The following FMNL3 variants were observed in gnomAD, a reference collection of about 807,000 sequenced individuals.
FMNL3 encodes formin like 3.
FMNL3 carries 57 observed loss-of-function variants against 119.6 expected under a neutral mutation model. That is an observed-to-expected ratio of 0.48 (90% CI 0.39 to 0.59). The LOEUF (loss-of-function observed/expected upper bound fraction) is 0.59, where lower values mean the gene tolerates loss of function less well. FMNL3 is among the 20% of genes least tolerant of loss of function. The probability of loss-of-function intolerance (pLI) is 0.00; values close to 1 mark genes in which losing one functional copy is unlikely to be tolerated. For synonymous variants in FMNL3, 491 were observed against 507.3 expected, an observed-to-expected ratio of 0.97 and a Z score of 0.43; for missense variants, 1,053 against 1,323.5, an observed-to-expected ratio of 0.80 and a Z score of 3.17.
In FMNL3 at chr12:49,643,117, G is replaced by A; in HGVS notation, c.*2698C>T. 1 of 1,587,378 alleles carries A rather than the reference G, an allele frequency of 6.3e-7. No homozygotes were observed. Among genetic ancestry groups the A allele is most frequent in the Middle Eastern group, 1.7e-4 (1 of 5,954 alleles). On this transcript the variant is annotated 3_prime_UTR_variant, in exon 26 of 26. Coordinates refer to ENST00000335154, the MANE Select transcript of FMNL3 (RefSeq NM_175736.5). ...CAATATCTCCCTTGGAGGGAAGTTT[G>A]AGGATTCCTTTGGCCCTGGGTCCTC...
At chr12:49,693,281 C>A (rs1470657536) in intron 1 of FMNL3, among the ~76,000 whole-genome samples, 1 of 152,126 alleles carries the variant, frequency 6.6e-6, no homozygotes, top group African/African-American at 2.4e-5. Context: ...AAGAGCTGAT[C>A]TTGACTTAGA....
At position 49,651,926 on chromosome 12, in the gene FMNL3, T is replaced by A; in HGVS notation, c.1603+7A>T. On this transcript the variant is annotated splice_region_variant and intron_variant, in intron 14 of 25. Transcript: ENST00000335154. Reference sequence around the variant, plus strand: ...CCCTGTTGGCTCCCAGGGGTCGTCGTGGTTACCTGGTAATGGGGGAGGTGG... The same window carrying A: ...CCCTGTTGGCTCCCAGGGGTCGTCGAGGTTACCTGGTAATGGGGGAGGTGG... The A allele has an allele frequency of 6.3e-7, 1 of 1,577,118 alleles. No individual in the cohort carries two copies. The highest frequency in any genetic ancestry group is 8.6e-7 in the Non-Finnish European group (1 of 1,158,578).
Position 49,649,511 on chromosome 12 carries a change from C to T in FMNL3, c.2263G>A (p.Ala755Thr), listed in dbSNP as rs766237914. 39 of 1,614,034 alleles carry T rather than the reference C, an allele frequency of 2.4e-5. No homozygotes were observed. Among genetic ancestry groups the T allele is most frequent in the South Asian group, 2.2e-5 (2 of 91,084 alleles). Reference protein sequence around the residue: ...PQLNAIIAASASVKSSQKLKQ... With the variant: ...PQLNAIIAASTSVKSSQKLKQ... ...AGCTTCTGTGAAGACTTGACGGAAG[C>T]GGACGCCGCAATGATGGCATTGAGT... The change falls in exon 19 of 26, where the codon GCT becomes ACT. Residue 755 changes from alanine to threonine, a missense_variant. Physicochemically the swap from Ala to Thr is moderately conservative, Grantham distance 58 (BLOSUM62 0). Around this residue, in one of 4 missense-constraint regions of FMNL3, gnomAD observed 324 missense variants for 380.9 expected, o/e 0.85. Coordinates refer to ENST00000335154, the MANE Select transcript of FMNL3 (RefSeq NM_175736.5). The surrounding 1 kb of genome is among the most constrained non-coding windows in gnomAD (Gnocchi z 5.6).
chr12:49,690,395 ACT>A (rs146501116), intron 1 of FMNL3, among the ~76,000 whole-genome samples: 3,380 of 152,098 alleles, frequency 0.022, 131 homozygotes, highest in African/African-American at 0.077. Context: ...TCTTTGTTAC[ACT>A]CTCTCTTAAC....
chr12:49,688,247 A>T (rs981572160), intron 1 of FMNL3, among the ~76,000 whole-genome samples: 13 of 152,226 alleles, frequency 8.5e-5, no homozygotes, highest in Non-Finnish European at 1.5e-4. Flanking sequence ...ATCACCCTGC[A>T]GGGGACAGTC....
chr12:49,658,893 G>A (rs569192540), intron 5 of FMNL3, among the ~76,000 whole-genome samples: 3 of 152,320 alleles, frequency 2.0e-5, no homozygotes, highest in African/African-American at 4.8e-5. Flanking sequence ...TCCAGAAGGA[G>A]TGTCCTCCCC....
intron 1 of FMNL3, among the ~76,000 whole-genome samples, chr12:49,674,485 G>A (rs530212800): frequency 6.6e-6 from 1 of 152,284 alleles, no homozygotes; most frequent in South Asian, 2.1e-4. Context: ...CCCCAGGGCA[G>A]CTCCCCATTA....
At chr12:49,675,100 A>G (rs1266317320) in intron 1 of FMNL3, among the ~76,000 whole-genome samples, 1 of 152,158 alleles carries the variant, frequency 6.6e-6, no homozygotes, top group Non-Finnish European at 1.5e-5. Context: ...CCTCTGCCAC[A>G]CTGTTGGCCT....
intron 1 of FMNL3, among the ~76,000 whole-genome samples, chr12:49,670,069 C>T (rs1944002989): frequency 6.6e-6 from 1 of 152,220 alleles, no homozygotes; most frequent in Non-Finnish European, 1.5e-5. Flanking sequence ...TCATCTTTCT[C>T]TCCTTTAACT....
In FMNL3 at chr12:49,643,133, C is replaced by T; in HGVS notation, c.*2682G>A. The T allele has an allele frequency of 6.3e-7, 1 of 1,587,970 alleles. No homozygotes were observed. The highest frequency in any genetic ancestry group is 8.6e-7 in the Non-Finnish European group (1 of 1,160,050). Reference sequence around the variant, plus strand: ...GGGAAGTTTGAGGATTCCTTTGGCCCTGGGTCCTCCTCCTCTCTCGAATTC... The same window carrying T: ...GGGAAGTTTGAGGATTCCTTTGGCCTTGGGTCCTCCTCCTCTCTCGAATTC... On this transcript the variant is annotated 3_prime_UTR_variant, in exon 26 of 26. Coordinates refer to ENST00000335154, the MANE Select transcript of FMNL3 (RefSeq NM_175736.5).
In FMNL3 at chr12:49,652,093, C is replaced by T. The variant is rs1184399598; in HGVS notation, c.1443G>A (p.Val481=). Residue 481 remains valine (V), a synonymous_variant, in exon 14 of 26, where the codon GTG becomes GTA. Coordinates refer to ENST00000335154, the MANE Select transcript of FMNL3 (RefSeq NM_175736.5). ...LEPNVRGLES[V]DSEALARVGP... ...CTACTCTGGCCAGGGCCTCACTGTC[C>T]ACAGACTCCAGGCCCCGGACATTTG... 6.2e-7 allele frequency: 1 copy of T among 1,613,018 alleles called. No homozygotes were observed. Among genetic ancestry groups the T allele is most frequent in the East Asian group, 2.2e-5 (1 of 44,876 alleles).
chr12:49,648,208 G>T lies in FMNL3; in HGVS notation c.2661C>A (p.Asp887Glu). ...CCGTGCTTGCCTCAGCCGTCTTGGC[G>T]TCCCGCTGGAGCTTGTCTAGTTTGC... is the stretch of plus-strand genomic sequence containing the variant. The part of the protein sequence containing the change: ...NEGKLDKLQR[D>E]AKTAEEAYNA... The change falls in exon 22 of 26, where the codon GAC (aspartate) becomes GAA (glutamate). Residue 887 changes from aspartate to glutamate, a missense_variant. Transcript: ENST00000335154. The T allele has an allele frequency of 2.5e-6, 4 of 1,613,200 alleles. No homozygotes were observed. Among genetic ancestry groups the T allele is most frequent in the Non-Finnish European group, 3.4e-6 (4 of 1,179,566 alleles).
At chr12:49,705,978 T>C (rs538521619) in intron 1 of FMNL3, among the ~76,000 whole-genome samples, 46 of 151,052 alleles carry the variant, frequency 3.0e-4, no homozygotes, top group Middle Eastern at 6.8e-3. Context: ...TTATCCCTCC[T>C]GATGGGCAGA....
chr12:49,637,491 G>A lies in FMNL3; in HGVS notation c.*8324C>T. 6.2e-7 allele frequency: 1 copy of A among 1,613,488 alleles called. No homozygotes were observed. Among genetic ancestry groups the A allele is most frequent in the African/African-American group, 1.3e-5 (1 of 74,998 alleles). ...TCAGACCTTCCTGGACGAGCTGCATGAGACAGGGCAGCTGCACTCTATGTC... is the reference window on the plus strand; with the variant it reads ...TCAGACCTTCCTGGACGAGCTGCATAAGACAGGGCAGCTGCACTCTATGTC... On this transcript the variant is annotated 3_prime_UTR_variant, in exon 26 of 26. Coordinates refer to ENST00000335154, the MANE Select transcript of FMNL3 (RefSeq NM_175736.5).
At chr12:49,688,292 G>A (rs1388734439) in intron 1 of FMNL3, among the ~76,000 whole-genome samples, 1 of 152,202 alleles carries the variant, frequency 6.6e-6, no homozygotes, top group Admixed American at 6.5e-5. Context: ...AGGCCAAACT[G>A]CTGCCCATAA....
rs1437303816 is a variant in FMNL3 at position 49,691,927 on chromosome 12, C to A, written c.126+15128G>T. On this transcript the variant is annotated intron_variant, in intron 1 of 25. Transcript: ENST00000335154. ...TTGCACGTCTGTAGTCCTAGCTACTCGGAAGGCTGAGGCAGGAGAATTGTT... is the reference window on the plus strand; with the variant it reads ...TTGCACGTCTGTAGTCCTAGCTACTAGGAAGGCTGAGGCAGGAGAATTGTT... Among the ~76,000 whole-genome samples the A allele has an allele frequency of 2.0e-5, 3 of 148,590 alleles. No homozygotes were observed. The Admixed American group carries it at 2.1e-4, about 10-fold the overall frequency.
At chr12:49,657,325 G>A in intron 6 of FMNL3, 135 bp from the exon 7 acceptor site, 1 of 650,714 alleles carries the variant, frequency 1.5e-6, no homozygotes, top group Non-Finnish European at 2.7e-6. Flanking sequence ...CGTACCAACA[G>A]CCAAGAGGGA....
chr12:49,695,071 C>T (rs1944716616), intron 1 of FMNL3, among the ~76,000 whole-genome samples: 1 of 150,938 alleles, frequency 6.6e-6, no homozygotes. Flanking sequence ...CATGGTGGTA[C>T]ACTCCTGCAG....
At chr12:49,672,069 T>C (rs1463428732) in intron 1 of FMNL3, among the ~76,000 whole-genome samples, 1 of 152,186 alleles carries the variant, frequency 6.6e-6, no homozygotes, top group Non-Finnish European at 1.5e-5. Context: ...TTCAACACAG[T>C]CCCCCTCACC....
Sources: gnomAD v4.1 joint callset for allele counts (sites outside exome capture counted in the v4.1 genomes callset) on GRCh38, gnomAD v4.1.1 for gene constraint, gnomAD v4.1.1 regional missense constraint, Gnocchi (gnomAD v3.1) non-coding constraint, MANE v1.5 for transcripts, NCBI Gene and HGNC (gene_info 2026-07-23, HGNC 2026-07-21) for gene names.